The following ARFIP1 variants were observed in gnomAD, a reference collection of about 807,000 sequenced individuals.
ARFIP1 encodes ARF interacting protein 1, also known as arfaptin-1.
Under a neutral mutation model 42.5 loss-of-function variants are expected in ARFIP1, and 24 were observed. The ratio of observed to expected loss-of-function variants is 0.57; its 90% CI spans 0.41 to 0.80. The LOEUF is 0.80. Among genes scored for constraint, ARFIP1 ranks in the 30% least tolerant of loss-of-function variants. The probability of loss-of-function intolerance (pLI) is 0.00; values close to 1 mark genes in which losing one functional copy is unlikely to be tolerated. For missense variants in ARFIP1, 354 were observed against 434.0 expected (o/e 0.82, Z 1.64); for synonymous variants, 141 against 153.7 (o/e 0.92, Z 0.61).
rs1051391070 is a variant in ARFIP1, at chr4:152,799,115, T to G, written c.-10+18889T>G. On this transcript the variant is annotated intron_variant, in intron 1 of 8. Transcript: ENST00000353617. ...TCTGTTTCATATCTAAATGATCTTA[T>G]GAAATTAATTTTTACTTATTGCAGT... is the stretch of plus-strand genomic sequence containing the variant. 2.6e-5 allele frequency among the ~76,000 whole-genome samples: 4 copies of G among 152,362 alleles called. No homozygotes were observed. In the East Asian group the frequency reaches 7.7e-4, roughly 29 times the overall value.
intron 1 of ARFIP1, among the ~76,000 whole-genome samples, chr4:152,788,055 G>T (rs1578797348): frequency 6.6e-6 from 1 of 151,392 alleles, no homozygotes; most frequent in African/African-American, 2.4e-5. Flanking sequence ...GTGAAACCCT[G>T]TCTCTACTAA....
At chr4:152,889,513 ATATATATATATATATATATATACAC>A (rs2149898072) in intron 8 of ARFIP1, among the ~76,000 whole-genome samples, 1 of 73,782 alleles carries the variant, frequency 1.4e-5, no homozygotes, top group African/African-American at 4.5e-5. Context: ...ATATATATAT[ATATATATATATATATATATATACAC>A]CTATTTTTGT....
chr4:152,901,026 G>GATT (rs1737789460), intron 8 of ARFIP1, among the ~76,000 whole-genome samples: 1 of 152,014 alleles, frequency 6.6e-6, no homozygotes. Context: ...CAAAACCTGC[G>GATT]ATTACTTTCA....
chr4:152,901,227 G>A (rs2149909476), intron 8 of ARFIP1, among the ~76,000 whole-genome samples: 1 of 152,248 alleles, frequency 6.6e-6, no homozygotes, highest in African/African-American at 2.4e-5. Flanking sequence ...ATGTGGACAA[G>A]GTAATGCTTA....
chr4:152,843,734 C>G (rs1247254738), intron 2 of ARFIP1, among the ~76,000 whole-genome samples: 3 of 152,134 alleles, frequency 2.0e-5, no homozygotes, highest in Non-Finnish European at 4.4e-5. Flanking sequence ...GCAGCTCGCA[C>G]GCAAACTGAA....
intron 1 of ARFIP1, among the ~76,000 whole-genome samples, chr4:152,806,820 C>T (rs930193824): frequency 6.0e-5 from 9 of 150,268 alleles, no homozygotes; most frequent in African/African-American, 2.2e-4. Flanking sequence ...TTTAGCTCAA[C>T]GTAAGTTTTT....
Position 152,882,703 on chromosome 4 carries a change from A to C in ARFIP1, c.634-20A>C. On this transcript the variant is annotated intron_variant, in intron 6 of 8. Coordinates refer to ENST00000353617, the MANE Select transcript of ARFIP1 (RefSeq NM_001025595.3). ...TACTGATTTATTACTGAATAAATTA[A>C]GGTGACTTCTTTGTTTTAGGAAGAA... 1 of 1,607,564 alleles carries C rather than the reference A, an allele frequency of 6.2e-7. No homozygotes were observed. The highest frequency in any genetic ancestry group is 8.5e-7 in the Non-Finnish European group (1 of 1,176,866).
chr4:152,790,656 A>T (rs1019397118), intron 1 of ARFIP1, among the ~76,000 whole-genome samples: 7 of 150,578 alleles, frequency 4.6e-5, no homozygotes, highest in African/African-American at 1.7e-4. Context: ...GTTTCTTATT[A>T]TGCATATAAT....
chr4:152,878,494 G>T (rs113977401), intron 5 of ARFIP1, among the ~76,000 whole-genome samples: 100 of 152,242 alleles, frequency 6.6e-4, no homozygotes, highest in African/African-American at 2.3e-3. Context: ...CCTTTACAAA[G>T]CTTCCTGTAG....
intron 2 of ARFIP1, among the ~76,000 whole-genome samples, chr4:152,834,667 AGCCTCCAT>A (rs1731511916): frequency 2.0e-5 from 3 of 152,236 alleles, no homozygotes; most frequent in African/African-American, 7.2e-5. Flanking sequence ...GCTCTGCCCC[AGCCTCCAT>A]GGCTGCTCTC....
At position 152,870,815 on chromosome 4, in the gene ARFIP1, G is replaced by T; in HGVS notation, c.265G>T (p.Ala89Ser). The T allele has an allele frequency of 6.2e-7, 1 of 1,614,002 alleles. No individual in the cohort carries two copies. The highest frequency in any genetic ancestry group is 2.2e-5 in the East Asian group (1 of 44,868). ...TAGCAGGGTTGCAGCTAGTCGACTG[G>T]CTCAGCAAGGAAGTGATTTAATTGT... ...SPSRVAASRL[A>S]QQGSDLIVPA... is the part of the protein sequence containing the mutation. Residue 89 changes from alanine to serine, a missense_variant, in exon 4 of 9, where the codon GCT becomes TCT. Coordinates refer to ENST00000353617, the MANE Select transcript of ARFIP1 (RefSeq NM_001025595.3).
intron 8 of ARFIP1, among the ~76,000 whole-genome samples, chr4:152,890,299 C>T (rs1301504785): frequency 6.6e-6 from 1 of 151,946 alleles, no homozygotes; most frequent in East Asian, 1.9e-4. Flanking sequence ...GAGACACTTT[C>T]GTTTACAGAG....
At chr4:152,816,709 C>T (rs765166968) in intron 1 of ARFIP1, among the ~76,000 whole-genome samples, 12 of 152,198 alleles carry the variant, frequency 7.9e-5, no homozygotes, top group African/African-American at 2.9e-4. Flanking sequence ...ACAAAATATA[C>T]TGTATGTCTG....
chr4:152,864,022 A>C (rs774345134), intron 3 of ARFIP1, among the ~76,000 whole-genome samples: 2 of 152,228 alleles, frequency 1.3e-5, no homozygotes, highest in Non-Finnish European at 2.9e-5. Context: ...TAACCATGAA[A>C]TTTATAAATC....
At chr4:152,898,581 G>A (rs902988296) in intron 8 of ARFIP1, among the ~76,000 whole-genome samples, 2 of 151,980 alleles carry the variant, frequency 1.3e-5, no homozygotes, top group African/African-American at 2.4e-5. Context: ...GACTGCCTAC[G>A]GAGAGGCAAC....
intron 1 of ARFIP1, among the ~76,000 whole-genome samples, chr4:152,817,626 TTC>T (rs752016507): frequency 6.6e-5 from 10 of 152,160 alleles, no homozygotes; most frequent in Non-Finnish European, 1.5e-4. Flanking sequence ...AATGAAAAAC[TTC>T]TGTGCATCAA....
intron 1 of ARFIP1, among the ~76,000 whole-genome samples, chr4:152,803,879 T>C (rs1355596402): frequency 6.7e-6 from 1 of 150,248 alleles, no homozygotes; most frequent in Non-Finnish European, 1.5e-5. Flanking sequence ...CATGATAATA[T>C]GGAGATAAAA....
chr4:152,886,991 T>C (rs1736314299), intron 7 of ARFIP1, among the ~76,000 whole-genome samples: 1 of 151,984 alleles, frequency 6.6e-6, no homozygotes, highest in Non-Finnish European at 1.5e-5. Context: ...ACAATATAGA[T>C]TATGTTATTT....
At chr4:152,856,260 G>A (rs1303576893) in intron 2 of ARFIP1, among the ~76,000 whole-genome samples, 1 of 152,134 alleles carries the variant, frequency 6.6e-6, no homozygotes, top group Non-Finnish European at 1.5e-5. Context: ...TATGACAGGA[G>A]AATGATTCAG....
Sources: gnomAD v4.1 joint callset for allele counts (sites outside exome capture counted in the v4.1 genomes callset) on GRCh38, gnomAD v4.1.1 for gene constraint, MANE v1.5 for transcripts, NCBI Gene and HGNC (gene_info 2026-07-23, HGNC 2026-07-21) for gene names.